Variants in CXXC1 observed in about 807,000 individuals in gnomAD.
CXXC1 encodes CXXC-type zinc finger protein 1.
A neutral mutation model predicts 83.6 loss-of-function variants in CXXC1; 21 were observed. That is an observed-to-expected ratio of 0.25 (90% CI 0.18 to 0.36). The LOEUF is 0.36. CXXC1 is among the 10% of genes least tolerant of loss of function. The probability of loss-of-function intolerance (pLI) is 1.00; values close to 1 mark genes in which losing one functional copy is unlikely to be tolerated. For missense variants in CXXC1, 688 were observed against 919.5 expected (o/e 0.75, Z 3.26); for synonymous variants, 371 against 337.5 (o/e 1.10, Z -1.09).
Position 50,285,134 on chromosome 18 carries a change from T to C in CXXC1, c.780A>G (p.Ala260=). ...GCTCCTTGACTGTTGATGACGCCAC[T>C]GCCCCCTCATCTTCACGGATGCGCC... ...KLGRIREDEG[A]VASSTVKEPP... The change falls in exon 7 of 15, where the codon GCA becomes GCG. Residue 260 remains alanine, a synonymous_variant. Coordinates refer to ENST00000285106, the MANE Select transcript of CXXC1 (RefSeq NM_014593.4). The surrounding 1 kb of genome is among the most constrained non-coding windows in gnomAD (Gnocchi z 4.4). 6.2e-7 allele frequency: 1 copy of C among 1,614,226 alleles called. No homozygotes were observed.
rs1412384145 is a variant in CXXC1, at chr18:50,285,581, C to T, written c.639+168G>A. On this transcript the variant is annotated intron_variant, in intron 5 of 14. Coordinates refer to ENST00000285106, the MANE Select transcript of CXXC1 (RefSeq NM_014593.4). This position sits in a 1 kb window ranked among gnomAD's most constrained non-coding sequence, Gnocchi z 4.4. Reference sequence around the variant, plus strand: ...TGGTGGGGGTGTTCTGCCAGCCCAGCATACCAGGTCATGCCCCATTCATCT... The same window carrying T: ...TGGTGGGGGTGTTCTGCCAGCCCAGTATACCAGGTCATGCCCCATTCATCT... 7.9e-6 allele frequency: 8 copies of T among 1,015,906 alleles called. No individual in the cohort carries two copies. Among genetic ancestry groups the T allele is most frequent in the South Asian group, 1.6e-5 (1 of 62,050 alleles). 62.9% of individuals were successfully genotyped at this position (1,015,906 alleles called of 1,614,324 possible).
In CXXC1 at chr18:50,283,473, G is replaced by C. The variant is rs117717402; in HGVS notation, c.1574+42C>G. The C allele has an allele frequency of 4.3e-3, 6,958 of 1,610,332 alleles. 190 individuals are homozygous for C. In the East Asian group the frequency reaches 0.072, roughly 17 times the overall value. On this transcript the variant is annotated intron_variant, in intron 12 of 14. Coordinates refer to ENST00000285106, the MANE Select transcript of CXXC1 (RefSeq NM_014593.4). The stretch of plus-strand genomic sequence containing the variant: ...CACACACATCCCACTTCTGACCCCC[G>C]CCTTAACCCCCCACCTCTCACTGCG...
chr18:50,287,642 T>G lies in CXXC1; in HGVS notation c.-53A>C, dbSNP rs2040737068. The G allele has an allele frequency of 6.2e-7, 1 of 1,604,892 alleles. No individual in the cohort carries two copies. The highest frequency in any genetic ancestry group is 8.5e-7 in the Non-Finnish European group (1 of 1,178,410). On this transcript the variant is annotated 5_prime_UTR_variant, in exon 1 of 15. Transcript: ENST00000285106. ...GACCCCCGCCAGCGACCCGCGAACC[T>G]GCACAGACCACTCGGCGGCGTCCCA...
At chr18:50,284,227 C>T (rs1339125146) in intron 9 of CXXC1, 126 bp from the exon 10 acceptor site, 24 of 1,429,118 alleles carry the variant, frequency 1.7e-5, no homozygotes, top group South Asian at 5.1e-5. Context: ...GATGGACACA[C>T]GGGCAGGTGG....
Position 50,284,359 on chromosome 18 carries a change from C to G in CXXC1, c.1205+19G>C. 1.3e-6 allele frequency: 2 copies of G among 1,527,006 alleles called. No individual in the cohort carries two copies. Among genetic ancestry groups the G allele is most frequent in the Non-Finnish European group, 8.8e-7 (1 of 1,141,576 alleles). 94.6% of individuals were successfully genotyped at this position (1,527,006 alleles called of 1,614,324 possible). ...CCATGCACTTCCTGACTCCCTTGAA[C>G]CTCTCAGGAATGACTCACTTGGCTG... On this transcript the variant is annotated intron_variant, in intron 9 of 14. Coordinates refer to ENST00000285106, the MANE Select transcript of CXXC1 (RefSeq NM_014593.4).
rs1210340261 is a variant in CXXC1, at chr18:50,283,993, C to G, written c.1314G>C (p.Gln438His). 1.9e-6 allele frequency: 3 copies of G among 1,613,438 alleles called. No homozygotes were observed. The South Asian group carries it at 3.3e-5, about 18-fold the overall frequency. Residue 438 changes from glutamine to histidine, a missense_variant, in exon 10 of 15, where the codon CAG becomes CAC. Gln to His is a conservative substitution (Grantham distance 24). This residue lies in a region of CXXC1 where 100 missense variants were observed against 142.5 expected (regional missense o/e 0.70). Coordinates refer to ENST00000285106, the MANE Select transcript of CXXC1 (RefSeq NM_014593.4). ...TTTCCTGAAGGCGAGTGCGGGCACT[C>G]TGCTGCTCTCGGCGAATGCGTTCGA... ...KLLERIRREQ[Q>H]SARTRLQEME...
Position 50,284,820 on chromosome 18 carries a change from T to G in CXXC1, c.932A>C (p.Glu311Ala), listed in dbSNP as rs2040686974. Residue 311 changes from glutamate (E) to alanine (A), a missense_variant, in exon 8 of 15, where the codon GAA (glutamate) becomes GCA (alanine). Glu to Ala is a moderately radical substitution (Grantham distance 107, BLOSUM62 -1). This residue lies in a region of CXXC1 where 190 missense variants were observed against 199.7 expected (regional missense o/e 0.95). Transcript: ENST00000285106. ...DHGLPWMSDT[E>A]ESPFLDPALR... ...CGCGGGGTCCAGGAATGGGGACTCT[T>G]CTGTGTCGCTCATCCAGGGCTGCAA... The G allele has an allele frequency of 6.2e-7, 1 of 1,614,074 alleles. No homozygotes were observed. Among genetic ancestry groups the G allele is most frequent in the African/African-American group, 1.3e-5 (1 of 74,944 alleles).
Position 50,284,991 on chromosome 18 carries a change from T to C in CXXC1, c.912+11A>G, listed in dbSNP as rs2040689803. The C allele has an allele frequency of 6.2e-7, 1 of 1,614,114 alleles. No individual in the cohort carries two copies. On this transcript the variant is annotated intron_variant, in intron 7 of 14. Transcript: ENST00000285106. Reference sequence around the variant, plus strand: ...CCACCCTTCCACCAGTGGATGCTCCTGTCTGCTCACCAGGCCATGGTCATC... The same window carrying C: ...CCACCCTTCCACCAGTGGATGCTCCCGTCTGCTCACCAGGCCATGGTCATC...
Position 50,286,217 on chromosome 18 carries a change from C to T in CXXC1, c.264G>A (p.Lys88=), listed in dbSNP as rs11555886. The change falls in exon 4 of 15, where the codon AAG becomes AAA. Residue 88 remains lysine, a synonymous_variant. Transcript: ENST00000285106. ...PKLEIRYRHK[K]SRERDGNERD... ...GCTCATTGCCATCCCGCTCCCGTGA[C>T]TTCTTGTGCCGATAGCGAATCTCTA... The T allele has an allele frequency of 0.12, 194,144 of 1,612,246 alleles. 12,869 individuals are homozygous for T. Among genetic ancestry groups the T allele is most frequent in the Non-Finnish European group, 0.13 (158,976 of 1,179,538 alleles).
In CXXC1 at chr18:50,285,175, G is replaced by T; in HGVS notation, c.739C>A (p.Pro247Thr). The T allele has an allele frequency of 6.2e-7, 1 of 1,614,240 alleles. No homozygotes were observed. Residue 247 changes from proline to threonine, a missense_variant, in exon 7 of 15, where the codon CCA becomes ACA. Pro to Thr is a conservative substitution (Grantham distance 38). This residue lies in a region of CXXC1 where 190 missense variants were observed against 199.7 expected (regional missense o/e 0.95). Transcript: ENST00000285106. This position sits in a 1 kb window ranked among gnomAD's most constrained non-coding sequence, Gnocchi z 4.4. ...RPLPTQQQPQ[P>T]SQKLGRIRED... The stretch of plus-strand genomic sequence containing the variant: ...CGGATGCGCCCTAACTTCTGTGATG[G>T]CTGTGGCTGCTGTTGGGTGGGCAGT...
chr18:50,282,416 C>A lies in CXXC1; in HGVS notation c.*177G>T. 1 of 774,506 alleles carries A rather than the reference C, an allele frequency of 1.3e-6. No individual in the cohort carries two copies. 48.0% of individuals were successfully genotyped at this position (774,506 alleles called of 1,614,324 possible). On this transcript the variant is annotated 3_prime_UTR_variant, in exon 15 of 15. Transcript: ENST00000285106. The surrounding 1 kb of genome is among the most constrained non-coding windows in gnomAD (Gnocchi z 5.8). Reference sequence around the variant, plus strand: ...CAAGGATGAGTGGACTCCGCAGCCCCACCAGGCACTGAACATGTCGACGGG... The same window carrying A: ...CAAGGATGAGTGGACTCCGCAGCCCAACCAGGCACTGAACATGTCGACGGG...
chr18:50,287,166 T>A, intron 1 of CXXC1: 2 of 513,546 alleles, frequency 3.9e-6, no homozygotes, highest in Admixed American at 3.3e-5. Flanking sequence ...ACTGCGGACT[T>A]CCCATCGCGG....
chr18:50,287,475 T>C, intron 1 of CXXC1, 112 bp downstream of exon 1: 2 of 1,316,474 alleles, frequency 1.5e-6, no homozygotes, highest in Non-Finnish European at 2.2e-6. Flanking sequence ...CGCCGTTCAG[T>C]CCACAGACTC....
chr18:50,287,641 C>A lies in CXXC1; in HGVS notation c.-52G>T, dbSNP rs759232851. 4.4e-6 allele frequency: 7 copies of A among 1,605,032 alleles called. No individual in the cohort carries two copies. The highest frequency in any genetic ancestry group is 4.2e-6 in the Non-Finnish European group (5 of 1,178,554). ...CGACCCCCGCCAGCGACCCGCGAAC[C>A]TGCACAGACCACTCGGCGGCGTCCC... is the stretch of plus-strand genomic sequence containing the variant. On this transcript the variant is annotated 5_prime_UTR_variant, in exon 1 of 15. It adds an upstream start codon to the 5' untranslated region. Coordinates refer to ENST00000285106, the MANE Select transcript of CXXC1 (RefSeq NM_014593.4).
In CXXC1 at chr18:50,286,174, G is replaced by A. The variant is rs141867524; in HGVS notation, c.307C>T (p.Arg103Trp). 29 of 1,613,604 alleles carry A rather than the reference G, an allele frequency of 1.8e-5. No homozygotes were observed. The highest frequency in any genetic ancestry group is 1.7e-4 in the Admixed American group (10 of 59,988). Residue 103 changes from arginine (R) to tryptophan (W), a missense_variant, in exon 4 of 15, where the codon CGG becomes TGG. This residue lies in a region of CXXC1 where 142 missense variants were observed against 150.7 expected (regional missense o/e 0.94). Transcript: ENST00000285106. Reference protein sequence around the residue: ...DGNERDSSEPRDEGGGRKRPV... With the variant: ...DGNERDSSEPWDEGGGRKRPV... ...CTCTTGCGCCCTCCACCCTCATCCC[G>A]GGGCTCACTGCTGTCCCGCTCATTG...
chr18:50,285,651 C>T lies in CXXC1; in HGVS notation c.639+98G>A. On this transcript the variant is annotated intron_variant, in intron 5 of 14. Transcript: ENST00000285106. This position sits in a 1 kb window ranked among gnomAD's most constrained non-coding sequence, Gnocchi z 4.4. Reference sequence around the variant, plus strand: ...CCACCTGTCAGGATACAGTCAGGCCCAATCCCACCTGGTTTATCCATGCCT... The same window carrying T: ...CCACCTGTCAGGATACAGTCAGGCCTAATCCCACCTGGTTTATCCATGCCT... 1.4e-6 allele frequency: 2 copies of T among 1,447,068 alleles called. No individual in the cohort carries two copies. Among genetic ancestry groups the T allele is most frequent in the Non-Finnish European group, 1.9e-6 (2 of 1,058,492 alleles). The allele number at this position is 1,447,068 out of a possible 1,614,324, so 89.6% of individuals were successfully genotyped here.
chr18:50,282,981 C>T lies in CXXC1; in HGVS notation c.1697G>A (p.Cys566Tyr). The stretch of plus-strand genomic sequence containing the variant: ...CTCAAAGACATCACGTACAAGGGGG[C>T]ACCCGCATACCTCGTCAGCTGGCAC... ...PKVPADEVCG[C>Y]PLVRDVFELT... Residue 566 changes from cysteine to tyrosine, a missense_variant, in exon 14 of 15, where the codon TGC becomes TAC. By Grantham distance (194) the Cys-to-Tyr change is radical. Transcript: ENST00000285106. The surrounding 1 kb of genome is among the most constrained non-coding windows in gnomAD (Gnocchi z 5.8). 1.2e-6 allele frequency: 2 copies of T among 1,614,116 alleles called. No individual in the cohort carries two copies. The highest frequency in any genetic ancestry group is 1.7e-6 in the Non-Finnish European group (2 of 1,180,040).
chr18:50,285,776 C>T lies in CXXC1; in HGVS notation c.612G>A (p.Arg204=). Residue 204 remains arginine (R), a synonymous_variant, in exon 5 of 15, where the codon CGG becomes CGA. Transcript: ENST00000285106. The surrounding 1 kb of genome is among the most constrained non-coding windows in gnomAD (Gnocchi z 4.4). ...GGGCCCGCAGCTGGCACTGGCGCAG[C>T]CGGCACTTCTGCCGGATCTTGTTGG... ...GGPNKIRQKC[R]LRQCQLRARE... is the part of the protein sequence containing the mutation. The T allele has an allele frequency of 1.9e-6, 3 of 1,613,832 alleles. No individual in the cohort carries two copies. Among genetic ancestry groups the T allele is most frequent in the Non-Finnish European group, 2.5e-6 (3 of 1,180,032 alleles).
chr18:50,284,768 C>T lies in CXXC1; in HGVS notation c.984G>A (p.Lys328=), dbSNP rs1376119860. 1 of 1,614,202 alleles carries T rather than the reference C, an allele frequency of 6.2e-7. No individual in the cohort carries two copies. Among genetic ancestry groups the T allele is most frequent in the Non-Finnish European group, 8.5e-7 (1 of 1,180,038 alleles). ...PALRKRAVKV[K]HVKRREKKSE... is the part of the protein sequence containing the mutation. ...ACTTCTTCTCCCGACGCTTCACATG[C>T]TTCACTTTCACTGCCCTCTTCCGCA... is the stretch of plus-strand genomic sequence containing the variant. The change falls in exon 8 of 15, where the codon AAG becomes AAA. Residue 328 remains lysine, a synonymous_variant. Coordinates refer to ENST00000285106, the MANE Select transcript of CXXC1 (RefSeq NM_014593.4).
Sources: gnomAD v4.1 joint callset for allele counts on GRCh38, gnomAD v4.1.1 for gene constraint, gnomAD v4.1.1 regional missense constraint, Gnocchi (gnomAD v3.1) non-coding constraint, MANE v1.5 for transcripts, NCBI Gene and HGNC (gene_info 2026-07-23, HGNC 2026-07-21) for gene names.